MAST3: variants seen among roughly 807,000 people sequenced by gnomAD.
The protein encoded by MAST3 is microtubule-associated serine/threonine-protein kinase 3.
A neutral mutation model predicts 127.0 loss-of-function variants in MAST3; 43 were observed. The observed-to-expected ratio is 0.34, with a 90% CI of 0.27 to 0.44. The LOEUF (loss-of-function observed/expected upper bound fraction) is 0.44. Among genes scored for constraint, MAST3 ranks in the 20% least tolerant of loss-of-function variants. MAST3 has a pLI of 1.00. For missense variants in MAST3, 1,390 were observed against 1,919.1 expected (o/e 0.72, Z 5.15); for synonymous variants, 785 against 809.2 (o/e 0.97, Z 0.51).
chr19:18,123,672 G>T lies in MAST3; in HGVS notation c.633+17G>T, dbSNP rs775470975. The T allele has an allele frequency of 1.9e-6, 3 of 1,539,382 alleles. No homozygotes were observed. The highest frequency in any genetic ancestry group is 2.6e-6 in the Non-Finnish European group (3 of 1,144,434). ...TTCCCCAAGGTGGGCAGCGCCTGGC[G>T]GCTGGACCAGCCCCTGCACTTCTTT... On this transcript the variant is annotated intron_variant, in intron 8 of 27. Transcript: ENST00000687212.
rs1411043237 is a variant in MAST3, at chr19:18,137,301, C to T, written c.2035C>T (p.Arg679Ter). 4 of 1,613,870 alleles carry T rather than the reference C, an allele frequency of 2.5e-6. No homozygotes were observed. The highest frequency in any genetic ancestry group is 1.6e-4 in the Middle Eastern group (1 of 6,062). Reference protein sequence around the residue: ...FLALDWAGLLRHKAEFVPQLE... With the variant: ...FLALDWAGLL ...GGCCCTGGACTGGGCAGGGCTTCTCCGACACAAAGCCGAGTTCGTGCCCCA... is the reference window on the plus strand; with the variant it reads ...GGCCCTGGACTGGGCAGGGCTTCTCTGACACAAAGCCGAGTTCGTGCCCCA... Residue 679 changes from arginine to a stop codon, truncating the protein, a stop_gained, in exon 19 of 28, where the codon CGA (arginine) becomes TGA (stop). Coordinates refer to ENST00000687212, the MANE Select transcript of MAST3 (RefSeq NM_001393504.1). LOFTEE classifies it high-confidence loss of function.
At chr19:18,103,740 G>A (rs1255202336) in intron 1 of MAST3, among the ~76,000 whole-genome samples, 1 of 152,168 alleles carries the variant, frequency 6.6e-6, no homozygotes. Flanking sequence ...GAAAACTGAG[G>A]CACAGAGGGG....
chr19:18,122,888 C>T (rs1349191523), intron 6 of MAST3, 137 bp downstream of exon 6: 10 of 994,652 alleles, frequency 1.0e-5, no homozygotes, highest in Middle Eastern at 2.9e-4. Flanking sequence ...ATGCACGCCC[C>T]ATTCTGGGAA....
chr19:18,145,387 G>A lies in MAST3; in HGVS notation c.3039+158G>A, dbSNP rs529292554. ...GTCCCTGTCATTTGGCAGGGAGGAG[G>A]TCAGATGAGAGAGACAAGGATGGAT... On this transcript the variant is annotated intron_variant, in intron 24 of 27. Coordinates refer to ENST00000687212, the MANE Select transcript of MAST3 (RefSeq NM_001393504.1). This position sits in a 1 kb window ranked among gnomAD's most constrained non-coding sequence, Gnocchi z 5.9. Among the ~76,000 whole-genome samples the A allele has an allele frequency of 6.6e-6, 1 of 152,280 alleles. No individual in the cohort carries two copies. The highest frequency in any genetic ancestry group is 2.4e-5 in the African/African-American group (1 of 41,560).
chr19:18,108,043 C>T, intron 2 of MAST3, among the ~76,000 whole-genome samples: 1 of 152,130 alleles, frequency 6.6e-6, no homozygotes, highest in South Asian at 2.1e-4. Context: ...GTAATCCCAG[C>T]ACTTTGGAAG....
At position 18,150,349 on chromosome 19, in the gene MAST3, C is replaced by T. The variant is rs1320060664; in HGVS notation, c.*623C>T. On this transcript the variant is annotated 3_prime_UTR_variant, in exon 28 of 28. Transcript: ENST00000687212. ...CGCCCCCTGAAGGCGGCTGCCAGGTCTTGCCCCAGGCACCTGGGACTCTGT... is the reference window on the plus strand; with the variant it reads ...CGCCCCCTGAAGGCGGCTGCCAGGTTTTGCCCCAGGCACCTGGGACTCTGT... The T allele has an allele frequency of 6.6e-6, 1 of 152,376 alleles. No individual in the cohort carries two copies. Among genetic ancestry groups the T allele is most frequent in the Middle Eastern group, 3.2e-3 (1 of 316 alleles). 9.4% of individuals were successfully genotyped at this position (152,376 alleles called of 1,614,324 possible).
intron 3 of MAST3, among the ~76,000 whole-genome samples, chr19:18,117,265 T>C (rs1227103482): frequency 6.6e-6 from 1 of 152,208 alleles, no homozygotes; most frequent in African/African-American, 2.4e-5. Context: ...ATGGAACATA[T>C]ACCAGGTGCC....
intron 15 of MAST3, among the ~76,000 whole-genome samples, chr19:18,133,474 G>T (rs2041547684): frequency 6.6e-6 from 1 of 151,940 alleles, no homozygotes; most frequent in African/African-American, 2.4e-5. Flanking sequence ...CCGCCTACCG[G>T]GTTCAAGCAA....
rs780400947 is a variant in MAST3, at chr19:18,123,392, G to A, written c.557+18G>A. 4 of 1,600,982 alleles carry A rather than the reference G, an allele frequency of 2.5e-6. No homozygotes were observed. Among genetic ancestry groups the A allele is most frequent in the Non-Finnish European group, 3.4e-6 (4 of 1,174,350 alleles). On this transcript the variant is annotated intron_variant, in intron 7 of 27. Transcript: ENST00000687212. ...AGTCTCAGGTGGGCCGCGACCTCTGGCCCCAGCCCCGGCCCCTCCCTGGGC... is the reference window on the plus strand; with the variant it reads ...AGTCTCAGGTGGGCCGCGACCTCTGACCCCAGCCCCGGCCCCTCCCTGGGC...
At position 18,149,861 on chromosome 19, in the gene MAST3, C is replaced by T; in HGVS notation, c.*135C>T. The T allele has an allele frequency of 7.7e-7, 1 of 1,301,518 alleles. No homozygotes were observed. Among genetic ancestry groups the T allele is most frequent in the Non-Finnish European group, 1.0e-6 (1 of 965,176 alleles). 80.6% of individuals were successfully genotyped at this position (1,301,518 alleles called of 1,614,324 possible). ...AGGCGAGAAGCCATCTCGGTCCTTG[C>T]TGGAAGGTGGAGACATCGCTTGTGT... is the stretch of plus-strand genomic sequence containing the variant. On this transcript the variant is annotated 3_prime_UTR_variant, in exon 28 of 28. Transcript: ENST00000687212. The surrounding 1 kb of genome is among the most constrained non-coding windows in gnomAD (Gnocchi z 5.9).
chr19:18,107,510 T>C, intron 1 of MAST3, 77 bp from the exon 2 acceptor site: 3 of 1,389,048 alleles, frequency 2.2e-6, no homozygotes, highest in Non-Finnish European at 2.1e-6. Context: ...GATTGGGGAT[T>C]GTGGGGGTGC....
At chr19:18,129,614 G>T (rs979591560) in intron 13 of MAST3, among the ~76,000 whole-genome samples, 1 of 152,176 alleles carries the variant, frequency 6.6e-6, no homozygotes, top group Non-Finnish European at 1.5e-5. Context: ...AAAACAAACG[G>T]ATGTGTAAAA....
intron 3 of MAST3, among the ~76,000 whole-genome samples, chr19:18,119,330 TG>T (rs2039674992): frequency 6.6e-6 from 1 of 151,840 alleles, no homozygotes; most frequent in South Asian, 2.1e-4. Flanking sequence ...TGGTGCAGTG[TG>T]GGGGCGAGGA....
At chr19:18,133,727 T>C (rs1041164305) in intron 15 of MAST3, among the ~76,000 whole-genome samples, 1 of 152,044 alleles carries the variant, frequency 6.6e-6, no homozygotes, top group Non-Finnish European at 1.5e-5. Context: ...ATAATTTTTG[T>C]ATTTTTAGTA....
At chr19:18,115,815 C>G (rs889390431) in intron 3 of MAST3, among the ~76,000 whole-genome samples, 5 of 152,222 alleles carry the variant, frequency 3.3e-5, no homozygotes, top group Non-Finnish European at 5.9e-5. Context: ...GCTCAAGCAC[C>G]CTCCATGGCT....
chr19:18,150,618 G>A lies in MAST3; in HGVS notation c.*892G>A, dbSNP rs1426745578. ...ACCCACAAAACAATGTAATCCCAGCGATGGACTGGATTCTGAAGGCCACTT... is the reference window on the plus strand; with the variant it reads ...ACCCACAAAACAATGTAATCCCAGCAATGGACTGGATTCTGAAGGCCACTT... On this transcript the variant is annotated 3_prime_UTR_variant, in exon 28 of 28. Transcript: ENST00000687212. 6.6e-6 allele frequency: 1 copy of A among 152,266 alleles called. No homozygotes were observed. The highest frequency in any genetic ancestry group is 2.4e-5 in the African/African-American group (1 of 41,460). 9.4% of individuals were successfully genotyped at this position (152,266 alleles called of 1,614,324 possible).
Position 18,145,863 on chromosome 19 carries a change from A to C in MAST3, c.3160A>C (p.Lys1054Gln). Residue 1054 changes from lysine (K) to glutamine (Q), a missense_variant and splice_region_variant, in exon 25 of 28, where the codon AAG becomes CAG. Lys to Gln is a moderately conservative substitution (Grantham distance 53). This residue lies in a region of MAST3 where 816 missense variants were observed against 934.1 expected (regional missense o/e 0.87). Coordinates refer to ENST00000687212, the MANE Select transcript of MAST3 (RefSeq NM_001393504.1). This position sits in a 1 kb window ranked among gnomAD's most constrained non-coding sequence, Gnocchi z 5.9. ...CATGGACGTCGTGGAGCTGCTGCTG[A>C]AGGTGCGGCACCCCCACTGCCCACC... ...VHMDVVELLL[K>Q]SGNKISLRTT... 1 of 1,590,968 alleles carries C rather than the reference A, an allele frequency of 6.3e-7. No individual in the cohort carries two copies. The highest frequency in any genetic ancestry group is 8.5e-7 in the Non-Finnish European group (1 of 1,170,440).
At chr19:18,126,971 G>A (rs2040716749) in intron 11 of MAST3, among the ~76,000 whole-genome samples, 3 of 151,352 alleles carry the variant, frequency 2.0e-5, no homozygotes, top group Admixed American at 1.3e-4. Context: ...TAGTAGAGGC[G>A]GGGTTTCACT....
Position 18,141,930 on chromosome 19 carries a change from G to A in MAST3, c.2254G>A (p.Ala752Thr), listed in dbSNP as rs542933130. The part of the protein sequence containing the change: ...FLAVQPTPTF[A>T]ERSFSEDREE... ...GGCCGTCCAGCCCACTCCTACCTTC[G>A]CTGAAAGGAGCTTCAGTGAAGACCG... The change falls in exon 21 of 28, where the codon GCT (alanine) becomes ACT (threonine). Residue 752 changes from alanine (A) to threonine (T), a missense_variant. This residue lies in a region of MAST3 where 816 missense variants were observed against 934.1 expected (regional missense o/e 0.87). Coordinates refer to ENST00000687212, the MANE Select transcript of MAST3 (RefSeq NM_001393504.1). 1.0e-5 allele frequency: 16 copies of A among 1,552,896 alleles called. No individual in the cohort carries two copies. The highest frequency in any genetic ancestry group is 6.9e-5 in the African/African-American group (5 of 72,828).
Sources: gnomAD v4.1 joint callset for allele counts (sites outside exome capture counted in the v4.1 genomes callset) on GRCh38, gnomAD v4.1.1 for gene constraint, gnomAD v4.1.1 regional missense constraint, Gnocchi (gnomAD v3.1) non-coding constraint, MANE v1.5 for transcripts, NCBI Gene and HGNC (gene_info 2026-07-23, HGNC 2026-07-21) for gene names.